Variants in DOK5 observed in about 807,000 individuals in gnomAD.
DOK5 encodes the protein docking protein 5.
A neutral mutation model predicts 43.3 loss-of-function variants in DOK5; 27 were observed. That is an observed-to-expected ratio of 0.62 (90% CI 0.46 to 0.86). The LOEUF is 0.86. Ranked by LOEUF, DOK5 falls within the 40% of genes least tolerant of loss-of-function variation. DOK5 has a pLI of 0.00. For missense variants in DOK5, 373 were observed against 392.9 expected, an observed-to-expected ratio of 0.95 and a Z score of 0.43; for synonymous variants, 146 against 140.1, an observed-to-expected ratio of 1.04 and a Z score of -0.30.
intron 6 of DOK5, among the ~76,000 whole-genome samples, chr20:54,634,358 G>A (rs770321592): frequency 2.6e-5 from 4 of 151,668 alleles, no homozygotes; most frequent in South Asian, 2.1e-4. Context: ...GCCAGTTGTC[G>A]GTCAGGTCTT....
intron 2 of DOK5, among the ~76,000 whole-genome samples, chr20:54,561,148 T>C (rs1984891481): frequency 1.3e-5 from 2 of 152,216 alleles, no homozygotes; most frequent in African/African-American, 2.4e-5. Context: ...CTCTGCTCTG[T>C]CTTCACCTCC....
intron 1 of DOK5, among the ~76,000 whole-genome samples, chr20:54,516,372 G>T (rs551678116): frequency 2.0e-4 from 30 of 152,346 alleles, no homozygotes; most frequent in African/African-American, 7.0e-4. Flanking sequence ...CCTCTTAGCA[G>T]ATAGTATGTG....
intron 1 of DOK5, among the ~76,000 whole-genome samples, chr20:54,516,873 T>C (rs1983214369): frequency 1.3e-5 from 2 of 152,212 alleles, no homozygotes; most frequent in African/African-American, 4.8e-5. Flanking sequence ...TATCTATGCA[T>C]TTATTCTGCA....
chr20:54,640,216 A>G (rs6098133), intron 6 of DOK5, among the ~76,000 whole-genome samples: 20,895 of 152,258 alleles, frequency 0.14, 3,516 homozygotes, highest in African/African-American at 0.4. Context: ...ACAGATTTCT[A>G]TATTCACATT....
intron 1 of DOK5, among the ~76,000 whole-genome samples, chr20:54,535,802 A>G (rs1032839405): frequency 1.3e-5 from 2 of 152,194 alleles, no homozygotes; most frequent in Admixed American, 1.3e-4. Context: ...TCTTAAAACA[A>G]TGTCTCTCAG....
chr20:54,501,336 G>A (rs1251916623), intron 1 of DOK5, among the ~76,000 whole-genome samples: 1 of 151,706 alleles, frequency 6.6e-6, no homozygotes, highest in East Asian at 1.9e-4. Flanking sequence ...GCGTGGTGGT[G>A]GGCGCCTGTA....
intron 1 of DOK5, among the ~76,000 whole-genome samples, chr20:54,545,370 C>T (rs1984305038): frequency 6.6e-6 from 1 of 152,138 alleles, no homozygotes; most frequent in African/African-American, 2.4e-5. Context: ...TATTGAAAAG[C>T]CTGAAAGTGA....
chr20:54,521,317 G>T (rs569850528), intron 1 of DOK5, among the ~76,000 whole-genome samples: 3 of 151,976 alleles, frequency 2.0e-5, no homozygotes, highest in African/African-American at 7.3e-5. Context: ...TAGAGATCCC[G>T]CTGGTTAAAG....
At chr20:54,533,188 G>A (rs1344779856) in intron 1 of DOK5, among the ~76,000 whole-genome samples, 1 of 152,172 alleles carries the variant, frequency 6.6e-6, no homozygotes, top group Non-Finnish European at 1.5e-5. Flanking sequence ...TTTGTGCGTT[G>A]TAGGATATTT....
chr20:54,570,147 C>T (rs1985238190), intron 2 of DOK5, among the ~76,000 whole-genome samples: 1 of 152,124 alleles, frequency 6.6e-6, no homozygotes, highest in Non-Finnish European at 1.5e-5. Flanking sequence ...AGTTTTGTAA[C>T]ACATTATACA....
intron 6 of DOK5, among the ~76,000 whole-genome samples, chr20:54,642,549 C>CAAAAAAAAAAAAAAAAAAAA: frequency 1.0e-5 from 1 of 96,374 alleles, no homozygotes. Flanking sequence ...ACTAAAAATA[C>CAAAAAAAAAAAAAAAAAAAA]AAAAAAAAAA....
intron 6 of DOK5, among the ~76,000 whole-genome samples, chr20:54,631,884 A>C (rs1468636836): frequency 6.6e-6 from 1 of 152,196 alleles, no homozygotes; most frequent in Non-Finnish European, 1.5e-5. Context: ...AGGCAGGAGA[A>C]TCGCTTGAAC....
chr20:54,564,303 T>C (rs774755819), intron 2 of DOK5, among the ~76,000 whole-genome samples: 17 of 152,160 alleles, frequency 1.1e-4, no homozygotes, highest in Non-Finnish European at 2.2e-4. Flanking sequence ...TGGTGGTGGG[T>C]GCCTGTGGTC....
intron 6 of DOK5, among the ~76,000 whole-genome samples, chr20:54,641,638 C>T (rs1482414233): frequency 9.2e-5 from 14 of 152,008 alleles, no homozygotes; most frequent in Admixed American, 9.2e-4. Context: ...AAGTAGGTAT[C>T]ATCTCATCAA....
intron 1 of DOK5, among the ~76,000 whole-genome samples, chr20:54,494,606 C>G (rs916719964): frequency 1.3e-5 from 2 of 149,204 alleles, no homozygotes; most frequent in East Asian, 4.0e-4. Flanking sequence ...TTGATTTTAC[C>G]CAATGTTCTC....
At chr20:54,523,329 G>C (rs1335449369) in intron 1 of DOK5, among the ~76,000 whole-genome samples, 1 of 152,152 alleles carries the variant, frequency 6.6e-6, no homozygotes, top group African/African-American at 2.4e-5. Flanking sequence ...CACTTTGGGA[G>C]GCCAAGGTGG....
chr20:54,595,258 T>G (rs1394045804), intron 5 of DOK5, among the ~76,000 whole-genome samples: 2 of 152,056 alleles, frequency 1.3e-5, no homozygotes, highest in African/African-American at 4.8e-5. Flanking sequence ...GGAGAATGCG[T>G]GAACCCGGGA....
rs780498456 is a variant in DOK5, at chr20:54,475,952, T to G, written c.6T>G (p.Ala2=). 7 of 1,613,344 alleles carry G rather than the reference T, an allele frequency of 4.3e-6. No homozygotes were observed. The South Asian group carries it at 7.7e-5, about 18-fold the overall frequency. Residue 2 remains alanine, a synonymous_variant, in exon 1 of 8, where the codon GCT becomes GCG. Transcript: ENST00000262593. This position sits in a 1 kb window ranked among gnomAD's most constrained non-coding sequence, Gnocchi z 4.2. ...GGGGTCACCGGCTGTCTGGGATGGC[T>G]TCCAATTTTAATGACATAGTGAAGC... M[A]SNFNDIVKQG...
At chr20:54,510,716 G>A (rs1982984837) in intron 1 of DOK5, among the ~76,000 whole-genome samples, 1 of 152,112 alleles carries the variant, frequency 6.6e-6, no homozygotes, top group African/African-American at 2.4e-5. Context: ...ATTGCCCTGG[G>A]TTGTGTTGGC....
Sources: gnomAD v4.1 joint callset for allele counts (sites outside exome capture counted in the v4.1 genomes callset) on GRCh38, gnomAD v4.1.1 for gene constraint, Gnocchi (gnomAD v3.1) non-coding constraint, MANE v1.5 for transcripts, NCBI Gene and HGNC (gene_info 2026-07-23, HGNC 2026-07-21) for gene names.